INVS: variants seen among roughly 807,000 people sequenced by gnomAD.
INVS encodes inversin.
INVS carries 86 observed loss-of-function variants against 108.8 expected under a neutral mutation model. The observed-to-expected ratio is 0.79, with a 90% confidence interval of 0.66 to 0.95. The LOEUF is 0.95. Among genes scored for constraint, INVS ranks in the 40% least tolerant of loss-of-function variants. INVS has a pLI of 0.00. For missense variants in INVS, 1,169 were observed against 1,297.4 expected, an observed-to-expected ratio of 0.90 and a Z score of 1.52; for synonymous variants, 455 against 473.5, an observed-to-expected ratio of 0.96 and a Z score of 0.51.
intron 12 of INVS, among the ~76,000 whole-genome samples, chr9:100,279,027 G>C (rs1200056427): frequency 6.6e-6 from 1 of 152,200 alleles, no homozygotes; most frequent in Non-Finnish European, 1.5e-5. Flanking sequence ...GCCAGATTTA[G>C]AGAATATTGG....
intron 3 of INVS, among the ~76,000 whole-genome samples, chr9:100,147,225 A>C (rs1459530096): frequency 2.0e-5 from 3 of 152,212 alleles, no homozygotes; most frequent in Non-Finnish European, 2.9e-5. Context: ...GGCCCTCTAC[A>C]TACTCAGTCT....
chr9:100,278,935 G>T (rs1183511225), intron 12 of INVS, among the ~76,000 whole-genome samples: 1 of 152,120 alleles, frequency 6.6e-6, no homozygotes, highest in Non-Finnish European at 1.5e-5. Context: ...AGAGCAAAGG[G>T]GCTCACCGCT....
intron 3 of INVS, among the ~76,000 whole-genome samples, chr9:100,149,471 C>T (rs1439279366): frequency 6.6e-6 from 1 of 152,176 alleles, no homozygotes; most frequent in African/African-American, 2.4e-5. Context: ...CCTAAAGAGT[C>T]TTGCTTCATT....
chr9:100,207,351 T>C (rs1439739750), intron 3 of INVS, among the ~76,000 whole-genome samples: 6 of 152,192 alleles, frequency 3.9e-5, no homozygotes, highest in African/African-American at 1.4e-4. Context: ...TGGAATGCAG[T>C]GGCACTATCT....
intron 3 of INVS, among the ~76,000 whole-genome samples, chr9:100,177,763 C>T (rs552985181): frequency 6.6e-6 from 1 of 152,312 alleles, no homozygotes; most frequent in East Asian, 1.9e-4. Flanking sequence ...CCCAACACAG[C>T]GCTCGAGCTC....
chr9:100,216,095 T>TC (rs1830977259), intron 3 of INVS, among the ~76,000 whole-genome samples: 1 of 152,154 alleles, frequency 6.6e-6, no homozygotes, highest in Admixed American at 6.5e-5. Flanking sequence ...TTACTGTGGG[T>TC]ATCTATGTGA....
intron 3 of INVS, among the ~76,000 whole-genome samples, chr9:100,209,135 G>A (rs1830759235): frequency 1.3e-5 from 2 of 152,112 alleles, no homozygotes; most frequent in African/African-American, 4.8e-5. Context: ...CAATATGCTA[G>A]GAAAATGAAT....
At chr9:100,247,987 T>C (rs1019324112) in intron 8 of INVS, among the ~76,000 whole-genome samples, 1 of 151,976 alleles carries the variant, frequency 6.6e-6, no homozygotes, top group Non-Finnish European at 1.5e-5. Context: ...TTTTTTTTCT[T>C]TTTGTATTTT....
intron 13 of INVS, among the ~76,000 whole-genome samples, chr9:100,286,449 A>T (rs1833445160): frequency 6.6e-6 from 1 of 152,156 alleles, no homozygotes; most frequent in Admixed American, 6.5e-5. Context: ...GCTGAATCAC[A>T]AGAATTGCTT....
At chr9:100,242,540 T>A in intron 6 of INVS, 30 bp from the exon 7 acceptor site, 1 of 1,121,990 alleles carries the variant, frequency 8.9e-7, no homozygotes, top group Non-Finnish European at 1.4e-6. Flanking sequence ...CCTTTATAAG[T>A]GATAATTACC....
intron 1 of INVS, among the ~76,000 whole-genome samples, chr9:100,100,698 G>GTATATATAATATATATATTATATA (rs1826842750): frequency 1.5e-4 from 1 of 6,690 alleles, no homozygotes; most frequent in African/African-American, 1.3e-3. Context: ...TATTATATAT[G>GTATATATAATATATATATTATATA]TACATATAAT....
intron 1 of INVS, chr9:100,101,223 A>G (rs1188336648): frequency 6.6e-6 from 1 of 150,662 alleles, no homozygotes; most frequent in Non-Finnish European, 1.5e-5. Context: ...AACAGTGCCT[A>G]GCACATAGTT....
At chr9:100,109,797 C>G (rs1320489478) in intron 2 of INVS, among the ~76,000 whole-genome samples, 1 of 152,218 alleles carries the variant, frequency 6.6e-6, no homozygotes, top group Non-Finnish European at 1.5e-5. Context: ...TCCCAAGTAA[C>G]TGGGATTACA....
At chr9:100,298,280 G>A in intron 16 of INVS, 1 of 1,326,716 alleles carries the variant, frequency 7.5e-7, no homozygotes, top group Non-Finnish European at 9.7e-7. Flanking sequence ...TTCACACAAA[G>A]GAAATAAATG....
chr9:100,263,238 T>C (rs962983540), intron 10 of INVS, among the ~76,000 whole-genome samples: 8 of 152,054 alleles, frequency 5.3e-5, no homozygotes, highest in Non-Finnish European at 7.3e-5. Flanking sequence ...ATTAGTTATG[T>C]ATTGCTGCTG....
intron 3 of INVS, among the ~76,000 whole-genome samples, chr9:100,210,673 T>G (rs1830804923): frequency 6.6e-6 from 1 of 152,182 alleles, no homozygotes; most frequent in Admixed American, 6.5e-5. Context: ...TTGCTTATAA[T>G]TTTGCATTGC....
In INVS at chr9:100,107,065, TAAAAC is replaced by T. The variant is rs756696718; in HGVS notation, c.106+2443_106+2447del. Among the ~76,000 whole-genome samples, 8 of 152,210 alleles carry T rather than the reference TAAAAC, an allele frequency of 5.3e-5. 1 individual carries two copies. The East Asian group carries it at 1.2e-3, about 22-fold the overall frequency. On this transcript the variant is annotated intron_variant, in intron 2 of 16. Transcript: ENST00000262457. ...TATTTACCTTAATTCACTCTTTTAT[TAAAAC>T]AAAATATACTTTCTTATTTTGAAGT...
At chr9:100,237,428 C>T (rs1831721848) in intron 5 of INVS, among the ~76,000 whole-genome samples, 1 of 152,182 alleles carries the variant, frequency 6.6e-6, no homozygotes, top group Admixed American at 6.5e-5. Flanking sequence ...CTGAAGCTAG[C>T]TCAGTGTCTG....
At chr9:100,175,642 A>C (rs1829687660) in intron 3 of INVS, 1 of 658,328 alleles carries the variant, frequency 1.5e-6, no homozygotes, top group Admixed American at 2.0e-5. Context: ...GTGACTCCAA[A>C]GGCCTGAGCA....
Sources: allele counts gnomAD v4.1 joint callset (sites outside exome capture counted in the v4.1 genomes callset), GRCh38; gene constraint gnomAD v4.1.1; transcripts MANE v1.5; gene names NCBI Gene and HGNC (gene_info 2026-07-23, HGNC 2026-07-21).